Variants in PFN4 observed in about 807,000 individuals in gnomAD.
PFN4 encodes the protein profilin-4.
PFN4 carries 10 observed loss-of-function variants against 16.3 expected under a neutral mutation model. The observed-to-expected ratio is 0.61, with a 90% CI of 0.38 to 1.04. The LOEUF is 1.04. PFN4 is among the 50% of genes least tolerant of loss of function. The probability of loss-of-function intolerance (pLI) is 0.01; values close to 1 mark genes in which losing one functional copy is unlikely to be tolerated. For synonymous variants in PFN4, 54 were observed against 56.9 expected (o/e 0.95, Z 0.23); for missense variants, 136 against 153.6 (o/e 0.89, Z 0.61).
At chr2:24,115,694 C>G (rs372113895) in intron 4 of PFN4, 83 bp from the exon 5 acceptor site, 15 of 1,463,692 alleles carry the variant, frequency 1.0e-5, no homozygotes, top group Non-Finnish European at 1.4e-5. Flanking sequence ...TATTATTCCA[C>G]AAACATTGCC....
chr2:24,121,372 C>T, intron 2 of PFN4, 72 bp from the exon 3 acceptor site: 1 of 1,469,920 alleles, frequency 6.8e-7, no homozygotes, highest in Non-Finnish European at 9.3e-7. Flanking sequence ...TAGCCCACTA[C>T]CTGTTTTTTA....
intron 3 of PFN4, 131 bp downstream of exon 3, chr2:24,121,032 G>T: frequency 8.2e-7 from 1 of 1,215,554 alleles, no homozygotes; most frequent in Non-Finnish European, 1.1e-6. Context: ...GCACTAGACT[G>T]CTATCTCAAG....
At position 24,122,404 on chromosome 2, in the gene PFN4, C is replaced by T; in HGVS notation, c.117+15G>A. ...AAGTAAATCAAGTCTTAGGTCCAAACTTGTTTTTTCTTACATTGAAACCTG... is the reference window on the plus strand; with the variant it reads ...AAGTAAATCAAGTCTTAGGTCCAAATTTGTTTTTTCTTACATTGAAACCTG... On this transcript the variant is annotated intron_variant, in intron 2 of 4. Coordinates refer to ENST00000313213, the MANE Select transcript of PFN4 (RefSeq NM_199346.3). The T allele has an allele frequency of 6.4e-7, 1 of 1,565,104 alleles. No individual in the cohort carries two copies.
chr2:24,118,968 T>C (rs1666012365), intron 4 of PFN4, among the ~76,000 whole-genome samples: 2 of 152,216 alleles, frequency 1.3e-5, no homozygotes, highest in African/African-American at 4.8e-5. Flanking sequence ...CAATTTACCA[T>C]TTATTAAGCT....
At chr2:24,121,127 C>CGTAA (rs1666101643) in intron 3 of PFN4, 36 bp downstream of exon 3, 3 of 1,608,622 alleles carry the variant, frequency 1.9e-6, no homozygotes, top group Non-Finnish European at 2.5e-6. Flanking sequence ...AAATTCTTTT[C>CGTAA]TTTTACTCAG....
In PFN4 at chr2:24,115,070, G is replaced by C. The variant is rs1457515791; in HGVS notation, c.*513C>G. ...CCCAAGTCTCACCGGGGTGATGTGA[G>C]CCAGACAGATGTCACACATGCAGGG... On this transcript the variant is annotated 3_prime_UTR_variant, in exon 5 of 5. Coordinates refer to ENST00000313213, the MANE Select transcript of PFN4 (RefSeq NM_199346.3). 1.3e-5 allele frequency among the ~76,000 whole-genome samples: 2 copies of C among 152,206 alleles called. No individual in the cohort carries two copies. The highest frequency in any genetic ancestry group is 2.9e-5 in the Non-Finnish European group (2 of 68,044).
Position 24,115,262 on chromosome 2 carries a change from C to G in PFN4, c.*321G>C. 7.2e-6 allele frequency: 2 copies of G among 279,012 alleles called. No individual in the cohort carries two copies. The highest frequency in any genetic ancestry group is 1.4e-5 in the Non-Finnish European group (2 of 144,940). 17.3% of individuals were successfully genotyped at this position (279,012 alleles called of 1,614,324 possible). On this transcript the variant is annotated 3_prime_UTR_variant, in exon 5 of 5. Transcript: ENST00000313213. Reference sequence around the variant, plus strand: ...TGTCTTGGATAAAGAGTGGTGAGAGCCTTGCATTCTTGGCATACTTAGCAA... The same window carrying G: ...TGTCTTGGATAAAGAGTGGTGAGAGGCTTGCATTCTTGGCATACTTAGCAA...
In PFN4 at chr2:24,119,659, CACG is replaced by C. The variant is rs1317458283; in HGVS notation, c.276_278del (p.Val93del). The C allele has an allele frequency of 6.2e-7, 1 of 1,612,762 alleles. No homozygotes were observed. The highest frequency in any genetic ancestry group is 8.5e-7 in the Non-Finnish European group (1 of 1,179,114). On this transcript the variant is annotated inframe_deletion, in exon 4 of 5. Transcript: ENST00000313213. ...CTACCAGAAGATACAGATGGGTCTTCACGACAACCACACCAGTGTTCTCCTGTA... is the reference window on the plus strand; with the variant it reads ...CTACCAGAAGATACAGATGGGTCTTCACAACCACACCAGTGTTCTCCTGTA...
chr2:24,117,444 CT>C (rs34376278), intron 4 of PFN4, among the ~76,000 whole-genome samples: 159 of 140,210 alleles, frequency 1.1e-3, no homozygotes, highest in East Asian at 7.4e-3. Flanking sequence ...TCTTCTTCTT[CT>C]TTTTTTTTTT....
chr2:24,121,683 G>C (rs1666123590), intron 2 of PFN4, among the ~76,000 whole-genome samples: 1 of 152,142 alleles, frequency 6.6e-6, no homozygotes, highest in Admixed American at 6.6e-5. Context: ...TTTGGATCAT[G>C]AATAGACTGA....
intron 3 of PFN4, among the ~76,000 whole-genome samples, chr2:24,120,277 A>AACAAC (rs1553329185): frequency 4.0e-5 from 6 of 151,382 alleles, no homozygotes; most frequent in Non-Finnish European, 8.8e-5. Flanking sequence ...TCAAAAAAAA[A>AACAAC]AACAACAACA....
intron 3 of PFN4, 66 bp from the exon 4 acceptor site, chr2:24,119,748 C>A: frequency 8.3e-7 from 1 of 1,207,958 alleles, no homozygotes; most frequent in Non-Finnish European, 1.2e-6. Context: ...GGTCATGCTC[C>A]AGCTACGTTT....
Position 24,122,514 on chromosome 2 carries a change from A to G in PFN4, c.22T>C (p.Leu8=). 2 of 1,613,910 alleles carry G rather than the reference A, an allele frequency of 1.2e-6. No homozygotes were observed. The highest frequency in any genetic ancestry group is 1.7e-6 in the Non-Finnish European group (2 of 1,179,806). The change falls in exon 2 of 5, where the codon TTG becomes CTG. Residue 8 remains leucine (L), a synonymous_variant. Transcript: ENST00000313213. MSHLQSL[L]LDTLLGTKHV... is the part of the protein sequence containing the mutation. ...TTGGTTCCCAAGAGGGTGTCTAACA[A>G]TAAGCTCTGCAAATGGCTCATGTTC... is the stretch of plus-strand genomic sequence containing the variant.
chr2:24,115,405 T>C lies in PFN4; in HGVS notation c.*178A>G. ...CCAACACTTATTAAAAAACAGTTGA[T>C]CAAGTAATTCCAGTGAAAGAAGAGG... On this transcript the variant is annotated 3_prime_UTR_variant, in exon 5 of 5. Coordinates refer to ENST00000313213, the MANE Select transcript of PFN4 (RefSeq NM_199346.3). The C allele has an allele frequency of 5.0e-6, 3 of 600,858 alleles. No homozygotes were observed. The highest frequency in any genetic ancestry group is 8.8e-6 in the Non-Finnish European group (3 of 341,160). The allele number at this position is 600,858 out of a possible 1,614,324, so 37.2% of individuals were successfully genotyped here.
At position 24,121,240 on chromosome 2, in the gene PFN4, G is replaced by A. The variant is rs1269685665; in HGVS notation, c.178C>T (p.Arg60Ter). 15 of 1,613,868 alleles carry A rather than the reference G, an allele frequency of 9.3e-6. No homozygotes were observed. The highest frequency in any genetic ancestry group is 5.5e-5 in the South Asian group (5 of 91,074). ...NGFAKNPLQA[R>*]REGLYFKGKD... ...CCCTTGAAATACAGTCCTTCTCTTC[G>A]GGCTTGCAAAGGGTTCTTGGCAAAT... The change falls in exon 3 of 5, where the codon CGA becomes TGA. Residue 60 changes from arginine to a stop codon, truncating the protein, a stop_gained. Transcript: ENST00000313213. LOFTEE classifies it high-confidence loss of function.
At chr2:24,121,695 G>A (rs1184954810) in intron 2 of PFN4, among the ~76,000 whole-genome samples, 1 of 152,040 alleles carries the variant, frequency 6.6e-6, no homozygotes, top group Non-Finnish European at 1.5e-5. Context: ...ATAGACTGAT[G>A]CCCTCCCTGC....
intron 2 of PFN4, among the ~76,000 whole-genome samples, chr2:24,121,651 C>T (rs919496265): frequency 3.9e-5 from 6 of 152,076 alleles, no homozygotes; most frequent in Admixed American, 6.5e-5. Flanking sequence ...CCAGCGTTTT[C>T]GGTGGGGCCT....
chr2:24,121,868 T>C (rs1257467543), intron 2 of PFN4, among the ~76,000 whole-genome samples: 1 of 152,210 alleles, frequency 6.6e-6, no homozygotes, highest in East Asian at 1.9e-4. Flanking sequence ...GGAAGCAGCC[T>C]GAGGCTTTCA....
chr2:24,119,505 A>G, intron 4 of PFN4, 72 bp downstream of exon 4: 1 of 1,103,050 alleles, frequency 9.1e-7, no homozygotes, highest in Non-Finnish European at 1.3e-6. Context: ...TTTGAGTTGG[A>G]TCTCTGTTAC....
Sources: allele counts gnomAD v4.1 joint callset (sites outside exome capture counted in the v4.1 genomes callset), GRCh38; gene constraint gnomAD v4.1.1; transcripts MANE v1.5; gene names NCBI Gene and HGNC (gene_info 2026-07-23, HGNC 2026-07-21).